Variants in FHOD3 observed in about 807,000 individuals in gnomAD.
FHOD3 encodes FH1/FH2 domain-containing protein 3.
Under a neutral mutation model 173.0 loss-of-function variants are expected in FHOD3, and 90 were observed. That is an observed-to-expected ratio of 0.52 (90% CI 0.44 to 0.62). The LOEUF (loss-of-function observed/expected upper bound fraction) is 0.62, where lower values mean the gene tolerates loss of function less well. Ranked by LOEUF, FHOD3 falls within the 20% of genes least tolerant of loss-of-function variation. The probability of loss-of-function intolerance (pLI) is 0.00; values close to 1 mark genes in which losing one functional copy is unlikely to be tolerated. For missense variants in FHOD3, 1,945 were observed against 2,034.7 expected (o/e 0.96, Z 0.85); for synonymous variants, 828 against 823.0 (o/e 1.01, Z -0.10).
At chr18:36,540,504 G>C (rs1000160095) in intron 5 of FHOD3, among the ~76,000 whole-genome samples, 1 of 152,150 alleles carries the variant, frequency 6.6e-6, no homozygotes, top group African/African-American at 2.4e-5. Context: ...AGCACTCCTA[G>C]GGGACTTTTG....
chr18:36,333,527 C>T (rs1396571545), intron 1 of FHOD3, among the ~76,000 whole-genome samples: 2 of 152,224 alleles, frequency 1.3e-5, no homozygotes, highest in African/African-American at 2.4e-5. Flanking sequence ...CAGGATCTAA[C>T]GTGAGCTGTC....
At chr18:36,730,254 G>A (rs1024796413) in intron 19 of FHOD3, among the ~76,000 whole-genome samples, 15 of 152,122 alleles carry the variant, frequency 9.9e-5, no homozygotes, top group African/African-American at 2.4e-4. Context: ...CTCTGGGCAC[G>A]CACCATATGT....
chr18:36,446,626 T>C (rs531154673), intron 3 of FHOD3, among the ~76,000 whole-genome samples: 1 of 152,154 alleles, frequency 6.6e-6, no homozygotes, highest in African/African-American at 2.4e-5. Flanking sequence ...GGGGAGGTCA[T>C]GGAATCACAT....
chr18:36,550,931 G>A (rs1265184045), intron 5 of FHOD3, among the ~76,000 whole-genome samples: 1 of 151,878 alleles, frequency 6.6e-6, no homozygotes, highest in Non-Finnish European at 1.5e-5. Context: ...TTATTGCACT[G>A]GCTATAATGT....
intron 1 of FHOD3, among the ~76,000 whole-genome samples, chr18:36,322,330 G>C (rs2044439310): frequency 6.6e-6 from 1 of 152,176 alleles, no homozygotes; most frequent in Non-Finnish European, 1.5e-5. Context: ...CCAGAGAACA[G>C]TCACCTCCTC....
chr18:36,662,690 A>G (rs2036891499), intron 14 of FHOD3, among the ~76,000 whole-genome samples: 2 of 152,224 alleles, frequency 1.3e-5, no homozygotes, highest in African/African-American at 4.8e-5. Flanking sequence ...GATAAAGGAC[A>G]TAACCTTTTG....
At chr18:36,384,804 G>A (rs1190334492) in intron 3 of FHOD3, among the ~76,000 whole-genome samples, 1 of 152,102 alleles carries the variant, frequency 6.6e-6, no homozygotes, top group East Asian at 1.9e-4. Flanking sequence ...TGAGAACGGG[G>A]GACCTAGTGC....
At chr18:36,659,627 G>C (rs931750469) in intron 14 of FHOD3, among the ~76,000 whole-genome samples, 1 of 152,210 alleles carries the variant, frequency 6.6e-6, no homozygotes, top group Non-Finnish European at 1.5e-5. Context: ...TACAGTGCCT[G>C]GGGCCTGGCA....
Position 36,625,718 on chromosome 18 carries a change from A to T in FHOD3, c.1165A>T (p.Lys389Ter), listed in dbSNP as rs777446668. The change falls in exon 10 of 29, where the codon AAG (lysine) becomes TAG (stop). Residue 389 changes from lysine (K) to a stop codon, truncating the protein, a stop_gained. Transcript: ENST00000590592. LOFTEE classifies it high-confidence loss of function. Reference protein sequence around the residue: ...SPCSQSAPSFKPNQVRDLREK... With the variant: ...SPCSQSAPSF Reference sequence around the variant, plus strand: ...CTGCTCCCAGTCAGCTCCCAGCTTCAAGCCCAACCAAGTGCGAGATCTGCG... The same window carrying T: ...CTGCTCCCAGTCAGCTCCCAGCTTCTAGCCCAACCAAGTGCGAGATCTGCG... 1.9e-6 allele frequency: 3 copies of T among 1,609,854 alleles called. No homozygotes were observed. The South Asian group carries it at 3.3e-5, about 18-fold the overall frequency.
chr18:36,732,231 A>T (rs1400737004), intron 20 of FHOD3, among the ~76,000 whole-genome samples: 1 of 152,216 alleles, frequency 6.6e-6, no homozygotes, highest in Admixed American at 6.5e-5. Context: ...GGGCCTTCAG[A>T]GACAGTATGG....
chr18:36,643,155 C>A (rs28582136), intron 10 of FHOD3, among the ~76,000 whole-genome samples: 10,745 of 152,038 alleles, frequency 0.071, 653 homozygotes, highest in East Asian at 0.24. Context: ...GCATTTGGGT[C>A]ATTTCCAGCT....
In FHOD3 at chr18:36,576,462, A is replaced by G. The variant is rs1402164551; in HGVS notation, c.523A>G (p.Ile175Val). The G allele has an allele frequency of 6.2e-7, 1 of 1,613,252 alleles. No homozygotes were observed. The highest frequency in any genetic ancestry group is 8.5e-7 in the Non-Finnish European group (1 of 1,179,642). ...QNYILRALGQ[I>V]MLYVDGMNGV... is the part of the protein sequence containing the mutation. ...CTTGTTTTCTGTAGCTTTGGGCCAG[A>G]TTATGTTGTATGTGGATGGAATGAA... is the stretch of plus-strand genomic sequence containing the variant. Residue 175 changes from isoleucine (I) to valine (V), a missense_variant, in exon 6 of 29, where the codon ATT becomes GTT. Transcript: ENST00000590592.
intron 2 of FHOD3, among the ~76,000 whole-genome samples, chr18:36,362,118 G>A (rs2046654259): frequency 6.6e-6 from 1 of 152,210 alleles, no homozygotes; most frequent in African/African-American, 2.4e-5. Context: ...TGCAAAGAGA[G>A]CCCCCACAGA....
chr18:36,608,304 G>A (rs760719722), intron 8 of FHOD3, among the ~76,000 whole-genome samples: 12 of 152,192 alleles, frequency 7.9e-5, no homozygotes, highest in East Asian at 1.9e-4. Context: ...GTGCTATCCC[G>A]TAGTGGGATA....
At chr18:36,727,081 G>A (rs1446282772) in intron 19 of FHOD3, among the ~76,000 whole-genome samples, 1 of 152,124 alleles carries the variant, frequency 6.6e-6, no homozygotes, top group Non-Finnish European at 1.5e-5. Context: ...TGGGGTTCTG[G>A]GTGGTCAGGC....
intron 5 of FHOD3, among the ~76,000 whole-genome samples, chr18:36,568,182 AAAT>A (rs202245257): frequency 0.16 from 19,505 of 124,340 alleles, 1,825 homozygotes; most frequent in Admixed American, 0.25. Flanking sequence ...AAAAAAAAAA[AAAT>A]AAATTAGCCA....
intron 6 of FHOD3, among the ~76,000 whole-genome samples, chr18:36,587,192 T>G (rs28587207): frequency 0.033 from 5,056 of 152,232 alleles, 292 homozygotes; most frequent in African/African-American, 0.12. Context: ...ACTTTTCTTT[T>G]TGTCCTTTTA....
At chr18:36,693,567 G>A in intron 17 of FHOD3, 144 bp downstream of exon 17, 1 of 742,540 alleles carries the variant, frequency 1.3e-6, no homozygotes, top group Non-Finnish European at 2.2e-6. Context: ...GGTTGTGACT[G>A]CAACTGCCTG....
At chr18:36,682,670 C>T (rs568611636) in intron 15 of FHOD3, among the ~76,000 whole-genome samples, 11 of 152,250 alleles carry the variant, frequency 7.2e-5, no homozygotes, top group African/African-American at 2.4e-4. Context: ...GCAACCTCTG[C>T]CTCCTGGGTT....
Sources: gnomAD v4.1 joint callset for allele counts (sites outside exome capture counted in the v4.1 genomes callset) on GRCh38, gnomAD v4.1.1 for gene constraint, MANE v1.5 for transcripts, NCBI Gene and HGNC (gene_info 2026-07-23, HGNC 2026-07-21) for gene names.